CYP2C19: variants seen among roughly 807,000 people sequenced by gnomAD.
The protein encoded by CYP2C19 is cytochrome P450 family 2 subfamily C member 19, also known as cytochrome P450 2C19.
A neutral mutation model predicts 40.9 loss-of-function variants in CYP2C19; 59 were observed. The ratio of observed to expected loss-of-function variants is 1.44; its 90% confidence interval spans 1.17 to 1.79. CYP2C19 has a LOEUF of 1.79. Among genes scored for constraint, CYP2C19 ranks in the 40% most tolerant of loss-of-function variants. CYP2C19 has a pLI of 0.00. For synonymous variants in CYP2C19, 253 were observed against 208.7 expected, an observed-to-expected ratio of 1.21 and a Z score of -1.83; for missense variants, 754 against 596.9, an observed-to-expected ratio of 1.26 and a Z score of -2.74.
chr10:94,808,862 A>G (rs1391549117), intron 5 of CYP2C19, among the ~76,000 whole-genome samples: 1 of 152,148 alleles, frequency 6.6e-6, no homozygotes, highest in Non-Finnish European at 1.5e-5. Context: ...TTGCTTCCAT[A>G]TCTTAGCTAT....
At chr10:94,767,522 G>T (rs1284804070) in intron 1 of CYP2C19, among the ~76,000 whole-genome samples, 1 of 152,150 alleles carries the variant, frequency 6.6e-6, no homozygotes. Flanking sequence ...TTAGGCATAT[G>T]GGTGAAATCT....
rs185198079 is a variant in CYP2C19, at chr10:94,793,125, C to T, written c.819+11128C>T. Among the ~76,000 whole-genome samples, 722 of 152,248 alleles carry T rather than the reference C, an allele frequency of 4.7e-3. 1 individual carries two copies. The highest frequency in any genetic ancestry group is 6.2e-3 in the Non-Finnish European group (420 of 68,022). On this transcript the variant is annotated intron_variant, in intron 5 of 8. Transcript: ENST00000371321. ...CATTTGATCTTCAGTCTCTGATACCCTTTCTTCCACTAGATTGAATCGGCT... is the reference window on the plus strand; with the variant it reads ...CATTTGATCTTCAGTCTCTGATACCTTTTCTTCCACTAGATTGAATCGGCT...
chr10:94,783,205 T>G (rs896373842), intron 5 of CYP2C19, among the ~76,000 whole-genome samples: 2 of 152,102 alleles, frequency 1.3e-5, no homozygotes, highest in Admixed American at 6.5e-5. Context: ...ATATAAAATA[T>G]TATGTCATAG....
chr10:94,837,404 C>A (rs1189999773), intron 6 of CYP2C19, among the ~76,000 whole-genome samples: 2 of 152,126 alleles, frequency 1.3e-5, no homozygotes, highest in African/African-American at 2.4e-5. Context: ...TATTGTCCTT[C>A]TGTTGCCTAG....
chr10:94,781,652 T>A (rs530533457), intron 4 of CYP2C19, among the ~76,000 whole-genome samples, 169 bp from the exon 5 acceptor site: 1 of 152,158 alleles, frequency 6.6e-6, no homozygotes, highest in South Asian at 2.1e-4. Context: ...CTTTCTCAAA[T>A]CTTGTATAAT....
At chr10:94,834,683 C>T (rs1195473751) in intron 6 of CYP2C19, among the ~76,000 whole-genome samples, 1 of 152,086 alleles carries the variant, frequency 6.6e-6, no homozygotes, top group Non-Finnish European at 1.5e-5. Flanking sequence ...ATCATTGTCC[C>T]TCCCACTGTG....
intron 6 of CYP2C19, among the ~76,000 whole-genome samples, chr10:94,828,156 A>G (rs1048121370): frequency 6.6e-6 from 1 of 151,820 alleles, no homozygotes; most frequent in Non-Finnish European, 1.5e-5. Flanking sequence ...TGGGGTGGAG[A>G]GTTCTGTAGA....
At chr10:94,799,345 G>A (rs1289190335) in intron 5 of CYP2C19, among the ~76,000 whole-genome samples, 1 of 152,028 alleles carries the variant, frequency 6.6e-6, no homozygotes, top group East Asian at 1.9e-4. Context: ...CTCTCTTTTG[G>A]CTTGTATGGT....
At chr10:94,823,078 T>C (rs1849154816) in intron 6 of CYP2C19, among the ~76,000 whole-genome samples, 1 of 152,092 alleles carries the variant, frequency 6.6e-6, no homozygotes, top group African/African-American at 2.4e-5. Flanking sequence ...AATAAATCAG[T>C]ACAGAGAGGA....
chr10:94,849,544 A>G (rs949051236), intron 7 of CYP2C19, among the ~76,000 whole-genome samples: 2 of 151,664 alleles, frequency 1.3e-5, no homozygotes, highest in African/African-American at 4.8e-5. Context: ...GGTTTGTTAC[A>G]TATGTATACA....
intron 5 of CYP2C19, among the ~76,000 whole-genome samples, chr10:94,789,425 T>A (rs1262313073): frequency 6.6e-6 from 1 of 152,154 alleles, no homozygotes; most frequent in African/African-American, 2.4e-5. Context: ...TGCCCATGCC[T>A]ATGTCCTGAA....
chr10:94,773,338 G>A (rs1207725969), intron 1 of CYP2C19, among the ~76,000 whole-genome samples: 2 of 152,168 alleles, frequency 1.3e-5, no homozygotes, highest in African/African-American at 4.8e-5. Context: ...TCTGGAGTTT[G>A]TTCCTTCAGA....
chr10:94,848,074 T>C (rs1849599417), intron 7 of CYP2C19, among the ~76,000 whole-genome samples: 1 of 152,206 alleles, frequency 6.6e-6, no homozygotes, highest in African/African-American at 2.4e-5. Flanking sequence ...AGAAGCTCTT[T>C]AGTTTTATTA....
At position 94,807,564 on chromosome 10, in the gene CYP2C19, C is replaced by G. The variant is rs533547065; in HGVS notation, c.820-12932C>G. On this transcript the variant is annotated intron_variant, in intron 5 of 8. Coordinates refer to ENST00000371321, the MANE Select transcript of CYP2C19 (RefSeq NM_000769.4). Reference sequence around the variant, plus strand: ...CTCACCAGCGTTGGCTGTCTTTTGTCTTTTTGATGATAGCAATTCTAACTG... The same window carrying G: ...CTCACCAGCGTTGGCTGTCTTTTGTGTTTTTGATGATAGCAATTCTAACTG... Among the ~76,000 whole-genome samples, 5 of 152,130 alleles carry G rather than the reference C, an allele frequency of 3.3e-5. No homozygotes were observed. The South Asian group carries it at 1.0e-3, about 32-fold the overall frequency.
In CYP2C19 at chr10:94,780,628, A is replaced by C; in HGVS notation, c.611A>C (p.Asn204Thr). The part of the protein sequence containing the change: ...FLNLMEKLNE[N>T]IRIVSTPWIQ... Reference sequence around the variant, plus strand: ...AACTTGATGGAAAAATTGAATGAAAACATCAGGATTGTAAGCACCCCCTGG... The same window carrying C: ...AACTTGATGGAAAAATTGAATGAAACCATCAGGATTGTAAGCACCCCCTGG... The change falls in exon 4 of 9, where the codon AAC becomes ACC. Residue 204 changes from asparagine to threonine, a missense_variant. Asn to Thr is a moderately conservative substitution (Grantham distance 65). Coordinates refer to ENST00000371321, the MANE Select transcript of CYP2C19 (RefSeq NM_000769.4). 1 of 1,613,816 alleles carries C rather than the reference A, an allele frequency of 6.2e-7. No homozygotes were observed. The highest frequency in any genetic ancestry group is 8.5e-7 in the Non-Finnish European group (1 of 1,179,872).
At chr10:94,852,428 G>A (rs918147615) in intron 8 of CYP2C19, among the ~76,000 whole-genome samples, 2 of 152,200 alleles carry the variant, frequency 1.3e-5, no homozygotes, top group African/African-American at 4.8e-5. Flanking sequence ...GAATTGCTTG[G>A]CATGTAGCTG....
chr10:94,767,971 T>C (rs1318063719), intron 1 of CYP2C19, among the ~76,000 whole-genome samples: 4 of 152,158 alleles, frequency 2.6e-5, no homozygotes, highest in Non-Finnish European at 4.4e-5. Context: ...ACCTCCCTGA[T>C]GGTTTCCTTC....
chr10:94,827,262 G>A (rs1849242329), intron 6 of CYP2C19, among the ~76,000 whole-genome samples: 1 of 151,988 alleles, frequency 6.6e-6, no homozygotes, highest in Non-Finnish European at 1.5e-5. Flanking sequence ...TGTACCTCTG[G>A]TAGAATTCGG....
intron 1 of CYP2C19, among the ~76,000 whole-genome samples, chr10:94,773,183 C>G (rs1848359801): frequency 6.6e-6 from 1 of 152,188 alleles, no homozygotes; most frequent in Non-Finnish European, 1.5e-5. Context: ...GTGGTACTTA[C>G]TGCTTGGCAA....
Sources: allele counts gnomAD v4.1 joint callset (sites outside exome capture counted in the v4.1 genomes callset), GRCh38; gene constraint gnomAD v4.1.1; transcripts MANE v1.5; gene names NCBI Gene and HGNC (gene_info 2026-07-23, HGNC 2026-07-21).